The following SHC2 variants were observed in gnomAD, a reference collection of about 807,000 sequenced individuals.
The protein encoded by SHC2 is SHC-transforming protein 2.
A neutral mutation model predicts 60.6 loss-of-function variants in SHC2; 62 were observed. The ratio of observed to expected loss-of-function variants is 1.02; its 90% CI spans 0.83 to 1.26. The LOEUF is 1.26. Among genes scored for constraint, SHC2 ranks in the 50% most tolerant of loss-of-function variants. The probability of loss-of-function intolerance (pLI) is 0.00; values close to 1 mark genes in which losing one functional copy is unlikely to be tolerated. For synonymous variants in SHC2, 375 were observed against 372.4 expected (o/e 1.01, Z -0.08); for missense variants, 873 against 822.2 (o/e 1.06, Z -0.76).
intron 8 of SHC2, among the ~76,000 whole-genome samples, chr19:433,643 A>C (rs58095164): frequency 1.4e-4 from 6 of 44,210 alleles, no homozygotes; most frequent in African/African-American, 8.5e-4. Flanking sequence ...TGAGTGAGAT[A>C]GTGAGTGAGA....
intron 12 of SHC2, among the ~76,000 whole-genome samples, chr19:418,527 A>G (rs1226882757): frequency 1.3e-5 from 2 of 152,236 alleles, no homozygotes; most frequent in East Asian, 3.9e-4. Flanking sequence ...TCCAGCCGAG[A>G]ACAGGAGCCA....
At chr19:454,589 C>T (rs528143691) in intron 1 of SHC2, among the ~76,000 whole-genome samples, 8 of 152,328 alleles carry the variant, frequency 5.3e-5, no homozygotes, top group African/African-American at 1.7e-4. Flanking sequence ...GAGTTCAAGA[C>T]CAGCCTGGCC....
chr19:439,361 T>TG (rs1974802382), intron 2 of SHC2: 1 of 394,856 alleles, frequency 2.5e-6, no homozygotes, highest in Non-Finnish European at 4.7e-6. Flanking sequence ...CAGGGACCAG[T>TG]GTGTCCCTGG....
chr19:438,199 A>T lies in SHC2; in HGVS notation c.720+519T>A, dbSNP rs1974766628. On this transcript the variant is annotated intron_variant, in intron 4 of 12. Coordinates refer to ENST00000264554, the MANE Select transcript of SHC2 (RefSeq NM_012435.3). The surrounding 1 kb of genome is among the most constrained non-coding windows in gnomAD (Gnocchi z 5.0). The stretch of plus-strand genomic sequence containing the variant: ...GCCATGTTGGCCAGGCTGGTCTCGA[A>T]CTCCTGACCTCAAGTGATCTGCCCA... Among the ~76,000 whole-genome samples the T allele has an allele frequency of 6.6e-6, 1 of 150,996 alleles. No individual in the cohort carries two copies. Among genetic ancestry groups the T allele is most frequent in the Non-Finnish European group, 1.5e-5 (1 of 67,742 alleles).
In SHC2 at chr19:436,197, G is replaced by A; in HGVS notation, c.921C>T (p.His307=). The A allele has an allele frequency of 6.2e-7, 1 of 1,610,024 alleles. No individual in the cohort carries two copies. Among genetic ancestry groups the A allele is most frequent in the Non-Finnish European group, 8.5e-7 (1 of 1,178,770 alleles). ...GGGGCAGCGCCACCTTGGGCGGGCT[G>A]TGCAGGTACTGCTTGAAGCGCAGCT... ...AFELRFKQYL[H]SPPKVALPPE... The change falls in exon 7 of 13, where the codon CAC becomes CAT. Residue 307 remains histidine, a synonymous_variant. Transcript: ENST00000264554.
intron 4 of SHC2, among the ~76,000 whole-genome samples, chr19:437,215 GTCATCTGCGTGCTCGTTTGCGAGC>G (rs1023356360): frequency 3.3e-5 from 5 of 149,486 alleles, no homozygotes; most frequent in South Asian, 2.1e-4. Flanking sequence ...CGTTTGCGTG[GTCATCTGCGTGCTCGTTTGCGAGC>G]TCATCTGCGT....
At chr19:418,155 G>A (rs1406620979) in intron 12 of SHC2, among the ~76,000 whole-genome samples, 1 of 152,146 alleles carries the variant, frequency 6.6e-6, no homozygotes, top group African/African-American at 2.4e-5. Context: ...GGAGGCCTGG[G>A]GCTCCTTGGC....
Position 425,336 on chromosome 19 carries a change from C to CACAGG in SHC2, c.1175-106_1175-105insCCTGT. ...GGAGCTCCCCCGGCCACCACCTGTGCTGCTGGCTGCAGGGCGGATGCTGCT... is the reference window on the plus strand; with the variant it reads ...GGAGCTCCCCCGGCCACCACCTGTGCACAGGTGCTGGCTGCAGGGCGGATGCTGCT... On this transcript the variant is annotated intron_variant, in intron 9 of 12. Coordinates refer to ENST00000264554, the MANE Select transcript of SHC2 (RefSeq NM_012435.3). The surrounding 1 kb of genome is among the most constrained non-coding windows in gnomAD (Gnocchi z 4.1). 1.0e-6 allele frequency: 1 copy of CACAGG among 982,542 alleles called. No homozygotes were observed. The highest frequency in any genetic ancestry group is 1.3e-6 in the Non-Finnish European group (1 of 755,186). The allele number at this position is 982,542 out of a possible 1,614,324, so 60.9% of individuals were successfully genotyped here.
At chr19:448,344 C>G (rs535526329) in intron 1 of SHC2, among the ~76,000 whole-genome samples, 1 of 152,140 alleles carries the variant, frequency 6.6e-6, no homozygotes, top group Non-Finnish European at 1.5e-5. Context: ...TCTGAAGCCC[C>G]GGGGGAGGGT....
In SHC2 at chr19:436,181, C is replaced by A. The variant is rs61748922; in HGVS notation, c.937G>T (p.Ala313Ser). The stretch of plus-strand genomic sequence containing the variant: ...TCTGGTTACCTTTCTGGGGGCAGCG[C>A]CACCTTGGGCGGGCTGTGCAGGTAC... ...KQYLHSPPKV[A>S]LPPERLAGPE... The change falls in exon 7 of 13, where the codon GCG becomes TCG. Residue 313 changes from alanine (A) to serine (S), a missense_variant. Coordinates refer to ENST00000264554, the MANE Select transcript of SHC2 (RefSeq NM_012435.3). The A allele has an allele frequency of 1.3e-3, 2,110 of 1,610,802 alleles. 28 individuals are homozygous for A. In the African/African-American group the frequency reaches 0.025, roughly 19 times the overall value.
At chr19:418,825 G>A (rs1321749409) in intron 12 of SHC2, 98 bp downstream of exon 12, 4 of 1,394,718 alleles carry the variant, frequency 2.9e-6, no homozygotes, top group East Asian at 2.5e-5. Flanking sequence ...GCCCTCTAGA[G>A]GGAAAGGCAC....
intron 1 of SHC2, among the ~76,000 whole-genome samples, chr19:444,959 G>A (rs925581908): frequency 1.3e-5 from 2 of 152,214 alleles, no homozygotes; most frequent in African/African-American, 4.8e-5. Context: ...CACACGGCCC[G>A]CAGAGCTGGG....
chr19:427,908 G>A (rs952649533), intron 9 of SHC2, among the ~76,000 whole-genome samples: 10 of 145,350 alleles, frequency 6.9e-5, no homozygotes, highest in African/African-American at 2.3e-4. Context: ...GCGCAGGGAA[G>A]GGGGAACTGC....
In SHC2 at chr19:440,876, G is replaced by A. The variant is rs1372897844; in HGVS notation, c.525C>T (p.Arg175=). 9.3e-6 allele frequency: 15 copies of A among 1,612,612 alleles called. No homozygotes were observed. Among genetic ancestry groups the A allele is most frequent in the Non-Finnish European group, 1.3e-5 (15 of 1,179,720 alleles). Reference sequence around the variant, plus strand: ...TGGAGGCTCACCTGGTCACCTGCGTGCGCGTGTTAAAGTCCAGGGAGCGCA... The same window carrying A: ...TGGAGGCTCACCTGGTCACCTGCGTACGCGTGTTAAAGTCCAGGGAGCGCA... ...RSMRSLDFNT[R]TQVTREAINR... Residue 175 remains arginine (R), a synonymous_variant, in exon 2 of 13, where the codon CGC becomes CGT. Transcript: ENST00000264554. This position sits in a 1 kb window ranked among gnomAD's most constrained non-coding sequence, Gnocchi z 7.0.
rs564179584 is a variant in SHC2, at chr19:430,721, G to C, written c.1137C>G (p.Ala379=). The change falls in exon 9 of 13, where the codon GCC becomes GCG. Residue 379 remains alanine, a synonymous_variant. Coordinates refer to ENST00000264554, the MANE Select transcript of SHC2 (RefSeq NM_012435.3). The part of the protein sequence containing the change: ...DQGPSPSLRD[A]CSLPWDVGST... ...ACCCCACGTCCCATGGCAGGCTGCA[G>C]GCATCTCTTAGAGAAGGAGATGGGC... The C allele has an allele frequency of 5.9e-5, 95 of 1,613,106 alleles. No homozygotes were observed. In the Middle Eastern group the frequency reaches 8.3e-4, roughly 14 times the overall value.
At chr19:428,265 G>T (rs1974470613) in intron 9 of SHC2, among the ~76,000 whole-genome samples, 1 of 152,190 alleles carries the variant, frequency 6.6e-6, no homozygotes, top group Non-Finnish European at 1.5e-5. Context: ...GGGAATGTCG[G>T]TTGAGCGGGC....
chr19:421,283 C>G (rs1303945105), intron 11 of SHC2, among the ~76,000 whole-genome samples: 1 of 150,542 alleles, frequency 6.6e-6, no homozygotes, highest in African/African-American at 2.4e-5. Flanking sequence ...ACCTGTAATC[C>G]TAGGTACTGG....
Position 436,184 on chromosome 19 carries a change from C to T in SHC2, c.934G>A (p.Val312Met), listed in dbSNP as rs1974712082. Residue 312 changes from valine to methionine, a missense_variant, in exon 7 of 13, where the codon GTG (valine) becomes ATG (methionine). By Grantham distance (21) the Val-to-Met change is conservative (BLOSUM62 1). Transcript: ENST00000264554. Reference sequence around the variant, plus strand: ...GGTTACCTTTCTGGGGGCAGCGCCACCTTGGGCGGGCTGTGCAGGTACTGC... The same window carrying T: ...GGTTACCTTTCTGGGGGCAGCGCCATCTTGGGCGGGCTGTGCAGGTACTGC... The part of the protein sequence containing the change: ...FKQYLHSPPK[V>M]ALPPERLAGP... The T allele has an allele frequency of 6.2e-7, 1 of 1,610,712 alleles. No homozygotes were observed. Among genetic ancestry groups the T allele is most frequent in the Non-Finnish European group, 8.5e-7 (1 of 1,179,142 alleles).
At chr19:454,958 C>G (rs1444781331) in intron 1 of SHC2, among the ~76,000 whole-genome samples, 1 of 152,218 alleles carries the variant, frequency 6.6e-6, no homozygotes, top group Non-Finnish European at 1.5e-5. Flanking sequence ...GTCTCTGCCC[C>G]TCTCATCCTG....
Sources: allele counts gnomAD v4.1 joint callset (sites outside exome capture counted in the v4.1 genomes callset), GRCh38; gene constraint gnomAD v4.1.1; non-coding constraint Gnocchi (gnomAD v3.1); transcripts MANE v1.5; gene names NCBI Gene and HGNC (gene_info 2026-07-23, HGNC 2026-07-21).